The following IKZF1 variants were observed in gnomAD, a reference collection of about 807,000 sequenced individuals.
The protein encoded by IKZF1 is DNA-binding protein Ikaros.
In IKZF1, 10 loss-of-function variants were observed where a neutral mutation model predicts 51.7. That is an observed-to-expected ratio of 0.19 (90% CI 0.12 to 0.33). IKZF1 has a LOEUF of 0.33. Among genes scored for constraint, IKZF1 ranks in the 10% least tolerant of loss-of-function variants. The pLI is 1.00. For synonymous variants in IKZF1, 280 were observed against 282.3 expected, an observed-to-expected ratio of 0.99 and a Z score of 0.08; for missense variants, 484 against 707.5, an observed-to-expected ratio of 0.68 and a Z score of 3.58.
rs1562830365 is a variant in IKZF1, at chr7:50,362,819, G to C, written c.161-13714G>C. Among the ~76,000 whole-genome samples the C allele has an allele frequency of 2.0e-5, 3 of 152,256 alleles. No individual in the cohort carries two copies. In the South Asian group the frequency reaches 6.2e-4, roughly 32 times the overall value. ...TTGAGGATGATAATCTTAGGGCAATGAGCAGGTTGATTGAGAGGGGTGCCT... is the reference window on the plus strand; with the variant it reads ...TTGAGGATGATAATCTTAGGGCAATCAGCAGGTTGATTGAGAGGGGTGCCT... On this transcript the variant is annotated intron_variant, in intron 3 of 7. Transcript: ENST00000331340.
At chr7:50,314,788 C>T (rs79338324) in intron 1 of IKZF1, among the ~76,000 whole-genome samples, 2,449 of 152,318 alleles carry the variant, frequency 0.016, 33 homozygotes, top group Middle Eastern at 0.054. Context: ...GCCACACTCT[C>T]CTTTGGGATG....
At chr7:50,308,024 C>A (rs1226170196) in intron 1 of IKZF1, among the ~76,000 whole-genome samples, 4 of 152,192 alleles carry the variant, frequency 2.6e-5, no homozygotes, top group African/African-American at 7.2e-5. Flanking sequence ...CTTTCCACAT[C>A]TCCTGGAATA....
At chr7:50,322,847 C>A (rs1793780596) in intron 2 of IKZF1, among the ~76,000 whole-genome samples, 2 of 152,130 alleles carry the variant, frequency 1.3e-5, no homozygotes, top group Admixed American at 6.5e-5. Flanking sequence ...TCATCTGTAA[C>A]AGGAGGGACT....
At chr7:50,346,063 C>A (rs1446101049) in intron 3 of IKZF1, among the ~76,000 whole-genome samples, 1 of 152,236 alleles carries the variant, frequency 6.6e-6, no homozygotes, top group African/African-American at 2.4e-5. Context: ...CTTCTGTCTG[C>A]ATGTGCATGA....
intron 7 of IKZF1, among the ~76,000 whole-genome samples, chr7:50,399,714 C>T (rs1201465489): frequency 6.6e-6 from 1 of 152,198 alleles, no homozygotes; most frequent in African/African-American, 2.4e-5. Flanking sequence ...ACGCATGGGC[C>T]TTCCCCCAGC....
chr7:50,388,995 A>G (rs1356126564), intron 6 of IKZF1, among the ~76,000 whole-genome samples: 1 of 152,270 alleles, frequency 6.6e-6, no homozygotes, highest in Non-Finnish European at 1.5e-5. Context: ...CAAAATGAAC[A>G]AAAGAAACAG....
chr7:50,332,174 T>G (rs1796567221), intron 3 of IKZF1, among the ~76,000 whole-genome samples: 3 of 152,216 alleles, frequency 2.0e-5, no homozygotes. Flanking sequence ...CAGGGGCTCT[T>G]AAAAGTTTTT....
At chr7:50,357,720 G>C (rs187512487) in intron 3 of IKZF1, among the ~76,000 whole-genome samples, 103 of 152,326 alleles carry the variant, frequency 6.8e-4, no homozygotes, top group Non-Finnish European at 9.6e-4. Context: ...TGTAGTGTGG[G>C]CTATTCAGAG....
upstream of IKZF1, among the ~76,000 whole-genome samples, chr7:50,303,847 C>G (rs942843052): frequency 3.4e-5 from 5 of 149,006 alleles, no homozygotes; most frequent in African/African-American, 1.2e-4. The surrounding 1 kb of genome is among the most constrained non-coding windows in gnomAD (Gnocchi z 4.7). Flanking sequence ...CCCCCTCCCC[C>G]TCCTGGCGGC....
intron 3 of IKZF1, among the ~76,000 whole-genome samples, chr7:50,330,647 T>A (rs1434665133): frequency 6.6e-6 from 1 of 152,188 alleles, no homozygotes; most frequent in Non-Finnish European, 1.5e-5. Context: ...TGTTCATTAA[T>A]TTGTAGTGTA....
rs752898136 is a variant in IKZF1, at chr7:50,400,327, G to C, written c.1260G>C (p.Pro420=). ...TCTACCTGACCAACCACATCGCCCCGCACGCGCGCAACGGGCTGTCGCTCA... is the reference window on the plus strand; with the variant it reads ...TCTACCTGACCAACCACATCGCCCCCCACGCGCGCAACGGGCTGTCGCTCA... ...GLIYLTNHIA[P]HARNGLSLKE... The change falls in exon 8 of 8, where the codon CCG becomes CCC. Residue 420 remains proline, a synonymous_variant. Transcript: ENST00000331340. The surrounding 1 kb of genome is among the most constrained non-coding windows in gnomAD (Gnocchi z 5.4). 6.2e-7 allele frequency: 1 copy of C among 1,612,816 alleles called. No homozygotes were observed. The highest frequency in any genetic ancestry group is 8.5e-7 in the Non-Finnish European group (1 of 1,179,700).
chr7:50,303,770 C>G (rs370417099), upstream of IKZF1, among the ~76,000 whole-genome samples: 13 of 151,686 alleles, frequency 8.6e-5, no homozygotes, highest in East Asian at 1.8e-3. The surrounding 1 kb of genome is among the most constrained non-coding windows in gnomAD (Gnocchi z 4.7). Flanking sequence ...GCCAGCGGGG[C>G]GAGCGTGAGG....
At chr7:50,327,352 CCT>C (rs1487007429) in intron 2 of IKZF1, 1 of 241,036 alleles carries the variant, frequency 4.1e-6, no homozygotes, top group Non-Finnish European at 7.9e-6. Context: ...AATAATGTCA[CCT>C]CATATTATTT....
rs111893269 is a variant in IKZF1 at position 50,390,434 on chromosome 7, C to T, written c.716-1295C>T. ...ATGTTTGCCCATTTAATAAAAAACA[C>T]ATATTCCAAATGTTAAAATATAAAA... On this transcript the variant is annotated intron_variant, in intron 6 of 7. Transcript: ENST00000331340. Among the ~76,000 whole-genome samples, 1,112 of 152,302 alleles carry T rather than the reference C, an allele frequency of 7.3e-3. 9 individuals carry two copies. Among genetic ancestry groups the T allele is most frequent in the African/African-American group, 0.021 (855 of 41,556 alleles).
In IKZF1 at chr7:50,355,619, GAATAAATAAATAAATA is replaced by G. The variant is rs57903869; in HGVS notation, c.161-20894_161-20879del. 6.9e-3 allele frequency among the ~76,000 whole-genome samples: 1,015 copies of G among 147,506 alleles called. 12 individuals carry two copies. Among genetic ancestry groups the G allele is most frequent in the African/African-American group, 0.024 (971 of 40,114 alleles). On this transcript the variant is annotated intron_variant, in intron 3 of 7. Coordinates refer to ENST00000331340, the MANE Select transcript of IKZF1 (RefSeq NM_006060.6). ...TCCAAAGTTTAATGTGTTAGCTTGC[GAATAAATAAATAAATA>G]AATAAATAAATAAATAAATGGAAAG...
intron 4 of IKZF1, among the ~76,000 whole-genome samples, chr7:50,377,904 C>T (rs1039489643): frequency 1.3e-5 from 2 of 152,166 alleles, no homozygotes. Flanking sequence ...CTAGCGTCTC[C>T]CACTGCAAAA....
At chr7:50,368,544 C>T in intron 3 of IKZF1, 1 of 571,606 alleles carries the variant, frequency 1.7e-6, no homozygotes, top group Non-Finnish European at 3.1e-6. Flanking sequence ...TTGCAGGCCT[C>T]CAGGCCGTTA....
At chr7:50,343,972 A>T (rs1332331145) in intron 3 of IKZF1, among the ~76,000 whole-genome samples, 1 of 152,178 alleles carries the variant, frequency 6.6e-6, no homozygotes, top group African/African-American at 2.4e-5. Flanking sequence ...ATAAGGCTTA[A>T]TTGTGAAGTC....
chr7:50,356,363 A>G (rs7790846), intron 3 of IKZF1, among the ~76,000 whole-genome samples: 112,864 of 152,204 alleles, frequency 0.74, 42,285 homozygotes, highest in African/African-American at 0.83. Flanking sequence ...CATCTGGACC[A>G]TAGAGTGAAC....
Sources: gnomAD v4.1 joint callset for allele counts (sites outside exome capture counted in the v4.1 genomes callset) on GRCh38, gnomAD v4.1.1 for gene constraint, Gnocchi (gnomAD v3.1) non-coding constraint, MANE v1.5 for transcripts, NCBI Gene and HGNC (gene_info 2026-07-23, HGNC 2026-07-21) for gene names.